The following NIPA1 variants were observed in gnomAD, a reference collection of about 807,000 sequenced individuals.
The protein encoded by NIPA1 is NIPA magnesium transporter 1.
In NIPA1, 13 loss-of-function variants were observed where a neutral mutation model predicts 23.9. The observed-to-expected ratio is 0.54, with a 90% confidence interval of 0.35 to 0.87. The LOEUF (loss-of-function observed/expected upper bound fraction) is 0.87. NIPA1 is among the 40% of genes least tolerant of loss of function. The pLI is 0.01. For synonymous variants in NIPA1, 234 were observed against 202.9 expected (o/e 1.15, Z -1.30); for missense variants, 362 against 429.7 (o/e 0.84, Z 1.39).
At chr15:22,799,073 C>T (rs1895007684) in intron 1 of NIPA1, among the ~76,000 whole-genome samples, 1 of 152,038 alleles carries the variant, frequency 6.6e-6, no homozygotes, top group Non-Finnish European at 1.5e-5. Context: ...AATCCCAGTA[C>T]TGGGTGTCTA....
At chr15:22,801,216 T>TA (rs1462201545) in intron 1 of NIPA1, among the ~76,000 whole-genome samples, 2 of 152,308 alleles carry the variant, frequency 1.3e-5, no homozygotes, top group African/African-American at 2.4e-5. Context: ...GCATGAATGT[T>TA]ACCGTTCTAC....
At chr15:22,812,595 G>A (rs1354429150) in intron 3 of NIPA1, among the ~76,000 whole-genome samples, 1 of 151,910 alleles carries the variant, frequency 6.6e-6, no homozygotes, top group African/African-American at 2.4e-5. Context: ...AGAGGTTGCA[G>A]TGAGTTGAGA....
chr15:22,816,178 ATTTTTTTTTTTT>A (rs71117481), intron 3 of NIPA1, among the ~76,000 whole-genome samples: 2,138 of 77,596 alleles, frequency 0.028, 76 homozygotes, highest in African/African-American at 0.11. Context: ...AGAAGACCTG[ATTTTTTTTTTTT>A]TTTTTTTTTT....
At chr15:22,797,502 G>A (rs756499921) in intron 1 of NIPA1, among the ~76,000 whole-genome samples, 56 of 131,114 alleles carry the variant, frequency 4.3e-4, no homozygotes, top group South Asian at 1.0e-3. Context: ...GTGAGTCACC[G>A]CGCCTGGCTT....
intron 1 of NIPA1, among the ~76,000 whole-genome samples, chr15:22,799,599 G>T (rs551866259): frequency 6.6e-6 from 1 of 151,950 alleles, no homozygotes; most frequent in Non-Finnish European, 1.5e-5. Context: ...TGGCTAACAC[G>T]GTGAAACCCC....
intron 3 of NIPA1, chr15:22,819,193 G>A (rs2140874182): frequency 6.6e-6 from 1 of 152,310 alleles, no homozygotes; most frequent in East Asian, 1.9e-4. Flanking sequence ...ACCTGTGGGT[G>A]TGTCATGACC....
chr15:22,823,867 C>T lies in NIPA1; in HGVS notation c.618C>T (p.Thr206=), dbSNP rs1895595263. The T allele has an allele frequency of 6.2e-7, 1 of 1,614,064 alleles. No homozygotes were observed. The highest frequency in any genetic ancestry group is 1.7e-5 in the Admixed American group (1 of 60,016). The change falls in exon 5 of 5, where the codon ACC becomes ACT. Residue 206 remains threonine (T), a synonymous_variant. Coordinates refer to ENST00000337435, the MANE Select transcript of NIPA1 (RefSeq NM_144599.5). ...TGGGCAGTTTCACCGTGCCTTCCACCAAGGGCATCGGGCTGGCGGCCCAAG... is the reference window on the plus strand; with the variant it reads ...TGGGCAGTTTCACCGTGCCTTCCACTAAGGGCATCGGGCTGGCGGCCCAAG... ...SLLGSFTVPS[T]KGIGLAAQDI...
At chr15:22,808,903 C>G (rs917497375) in intron 1 of NIPA1, among the ~76,000 whole-genome samples, 2 of 152,044 alleles carry the variant, frequency 1.3e-5, no homozygotes, top group Middle Eastern at 3.2e-3. Context: ...CTCCTAGGCT[C>G]AAGTGATCAT....
intron 1 of NIPA1, among the ~76,000 whole-genome samples, chr15:22,794,166 G>T (rs953693381): frequency 6.6e-6 from 1 of 152,006 alleles, no homozygotes; most frequent in Non-Finnish European, 1.5e-5. Flanking sequence ...TAGCAACCAG[G>T]TGTCATCAAC....
At chr15:22,821,095 C>T (rs776837598) in intron 4 of NIPA1, among the ~76,000 whole-genome samples, 15 of 151,446 alleles carry the variant, frequency 9.9e-5, no homozygotes, top group Admixed American at 3.3e-4. Context: ...CCTGAGTAGC[C>T]GGGGACTACA....
rs1437070071 is a variant in NIPA1, at chr15:22,824,644, G to C, written c.*405G>C. 1 of 276,586 alleles carries C rather than the reference G, an allele frequency of 3.6e-6. No homozygotes were observed. Among genetic ancestry groups the C allele is most frequent in the African/African-American group, 2.2e-5 (1 of 44,996 alleles). 17.1% of individuals were successfully genotyped at this position (276,586 alleles called of 1,614,324 possible). ...TTTGGGAATGAGAGATTGTTGTCTT[G>C]AACTCTGGCACTGTACAGTGAATGT... is the stretch of plus-strand genomic sequence containing the variant. On this transcript the variant is annotated 3_prime_UTR_variant, in exon 5 of 5. Transcript: ENST00000337435. This position sits in a 1 kb window ranked among gnomAD's most constrained non-coding sequence, Gnocchi z 4.1.
At chr15:22,793,876 G>A (rs1437865054) in intron 1 of NIPA1, among the ~76,000 whole-genome samples, 1 of 152,122 alleles carries the variant, frequency 6.6e-6, no homozygotes, top group East Asian at 1.9e-4. Context: ...ATCAATGGGA[G>A]TAAATATGTA....
chr15:22,788,736 TAAAC>T (rs1392147763), intron 1 of NIPA1, among the ~76,000 whole-genome samples: 2 of 150,834 alleles, frequency 1.3e-5, no homozygotes, highest in South Asian at 2.1e-4. Context: ...AATAGGAAAA[TAAAC>T]AAGCGAGTAG....
In NIPA1 at chr15:22,825,073, A is replaced by T. The variant is rs1350335167; in HGVS notation, c.*834A>T. ...CTTAATGATAGGGAAACATTCTGAG[A>T]AATGCATTGTAAGGTGACTTTATTG... On this transcript the variant is annotated 3_prime_UTR_variant, in exon 5 of 5. Transcript: ENST00000337435. 1 of 152,404 alleles carries T rather than the reference A, an allele frequency of 6.6e-6. No homozygotes were observed. The highest frequency in any genetic ancestry group is 2.4e-5 in the African/African-American group (1 of 41,450). 9.4% of individuals were successfully genotyped at this position (152,404 alleles called of 1,614,324 possible). A position where few individuals can be genotyped will look rare whatever the true frequency, so the allele number is the denominator to read the frequency against.
chr15:22,824,215 C>G lies in NIPA1; in HGVS notation c.966C>G (p.Asn322Lys). The G allele has an allele frequency of 6.2e-7, 1 of 1,613,302 alleles. No homozygotes were observed. Among genetic ancestry groups the G allele is most frequent in the Non-Finnish European group, 8.5e-7 (1 of 1,179,214 alleles). Residue 322 changes from asparagine to lysine, a missense_variant, in exon 5 of 5, where the codon AAC becomes AAG. Asn to Lys is a moderately conservative substitution (Grantham distance 94). Around this residue, in one of 2 missense-constraint regions of NIPA1, gnomAD observed 277 missense variants for 372.0 expected, o/e 0.74. Transcript: ENST00000337435. This position sits in a 1 kb window ranked among gnomAD's most constrained non-coding sequence, Gnocchi z 4.1. ...TCAATTTCAACCTTGGGGAGATGAACAAATCTAATATGAAAACAGACTAGA... is the reference window on the plus strand; with the variant it reads ...TCAATTTCAACCTTGGGGAGATGAAGAAATCTAATATGAAAACAGACTAGA... ...KEFNFNLGEM[N>K]KSNMKTD
chr15:22,814,038 GA>G, intron 3 of NIPA1: 1 of 1,000,816 alleles, frequency 1.0e-6, no homozygotes, highest in Non-Finnish European at 1.4e-6. Context: ...GCACTTTGAT[GA>G]TTAAGTCACT....
intron 1 of NIPA1, among the ~76,000 whole-genome samples, chr15:22,803,364 T>C (rs1319302493): frequency 6.6e-6 from 1 of 152,032 alleles, no homozygotes; most frequent in Non-Finnish European, 1.5e-5. Flanking sequence ...ATATTACGTA[T>C]GTATATATAT....
intron 1 of NIPA1, among the ~76,000 whole-genome samples, chr15:22,810,017 G>A (rs1895288379): frequency 6.6e-6 from 1 of 151,514 alleles, no homozygotes; most frequent in Admixed American, 6.6e-5. Context: ...TTGCACTCCA[G>A]CCTGGGCAAC....
At chr15:22,805,667 G>A (rs939470765) in intron 1 of NIPA1, among the ~76,000 whole-genome samples, 2 of 152,056 alleles carry the variant, frequency 1.3e-5, no homozygotes, top group African/African-American at 4.8e-5. Context: ...GCCTGGGCAA[G>A]AGAGTGAGAC....
Sources: gnomAD v4.1 joint callset for allele counts (sites outside exome capture counted in the v4.1 genomes callset) on GRCh38, gnomAD v4.1.1 for gene constraint, gnomAD v4.1.1 regional missense constraint, Gnocchi (gnomAD v3.1) non-coding constraint, MANE v1.5 for transcripts, NCBI Gene and HGNC (gene_info 2026-07-23, HGNC 2026-07-21) for gene names.